The following ATP13A3 variants were observed in gnomAD, a reference collection of about 807,000 sequenced individuals.
ATP13A3 encodes polyamine-transporting ATPase 13A3.
ATP13A3 carries 59 observed loss-of-function variants against 158.1 expected under a neutral mutation model. The ratio of observed to expected loss-of-function variants is 0.37; its 90% CI spans 0.30 to 0.46. The LOEUF (loss-of-function observed/expected upper bound fraction) is 0.46, where lower values mean the gene tolerates loss of function less well. Ranked by LOEUF, ATP13A3 falls within the 20% of genes least tolerant of loss-of-function variation. The pLI is 1.00. For synonymous variants in ATP13A3, 491 were observed against 504.3 expected (o/e 0.97, Z 0.35); for missense variants, 1,166 against 1,525.2 (o/e 0.76, Z 3.92).
chr3:194,416,127 G>C (rs1344207540), intron 31 of ATP13A3, among the ~76,000 whole-genome samples: 1 of 152,174 alleles, frequency 6.6e-6, no homozygotes, highest in East Asian at 1.9e-4. Context: ...ACATTCTTCA[G>C]GGAGAAAAAC....
At chr3:194,490,015 A>G (rs150729710), upstream of ATP13A3, among the ~76,000 whole-genome samples, 1 of 152,216 alleles carries the variant, frequency 6.6e-6, no homozygotes, top group African/African-American at 2.4e-5. The surrounding 1 kb of genome is among the most constrained non-coding windows in gnomAD (Gnocchi z 4.4). Context: ...GTAAGCACCA[A>G]CCCTGATTGC....
intron 21 of ATP13A3, 21 bp downstream of exon 21, chr3:194,433,751 T>A: frequency 6.2e-7 from 1 of 1,613,056 alleles, no homozygotes; most frequent in South Asian, 1.1e-5. Context: ...TTTGCTTCTG[T>A]GTTCTTTTAT....
chr3:194,413,423 G>A (rs1207029049), intron 32 of ATP13A3, among the ~76,000 whole-genome samples: 1 of 152,078 alleles, frequency 6.6e-6, no homozygotes, highest in Non-Finnish European at 1.5e-5. Flanking sequence ...CAAAACACAG[G>A]TGGCACATGC....
intron 16 of ATP13A3, among the ~76,000 whole-genome samples, chr3:194,440,196 C>T (rs537178538): frequency 6.6e-6 from 1 of 152,080 alleles, no homozygotes; most frequent in Non-Finnish European, 1.5e-5. Context: ...TGGATACAAA[C>T]GGGAACGAAA....
intron 2 of ATP13A3, among the ~76,000 whole-genome samples, chr3:194,463,188 T>C (rs543978658): frequency 1.3e-5 from 2 of 152,234 alleles, no homozygotes; most frequent in Non-Finnish European, 2.9e-5. Context: ...GCTGACTCCA[T>C]CATTCGATTC....
chr3:194,484,760 ATG>A (rs1351455174), intron 2 of ATP13A3, among the ~76,000 whole-genome samples: 2 of 152,192 alleles, frequency 1.3e-5, no homozygotes, highest in Non-Finnish European at 2.9e-5. Context: ...TAAACTAACT[ATG>A]TAAGTATCAA....
At chr3:194,464,074 T>C (rs141634143) in intron 2 of ATP13A3, among the ~76,000 whole-genome samples, 3,629 of 152,170 alleles carry the variant, frequency 0.024, 149 homozygotes, top group African/African-American at 0.084. Context: ...GGTGAGAGAA[T>C]TGCTTGAACC....
intron 28 of ATP13A3, 37 bp from the exon 29 acceptor site, chr3:194,427,289 A>G: frequency 6.5e-7 from 1 of 1,535,206 alleles, no homozygotes; most frequent in Non-Finnish European, 8.8e-7. Flanking sequence ...GTTTGTATTT[A>G]CATTAATCTA....
chr3:194,426,153 T>C (rs1716751840), intron 29 of ATP13A3, among the ~76,000 whole-genome samples: 1 of 152,048 alleles, frequency 6.6e-6, no homozygotes, highest in African/African-American at 2.4e-5. Flanking sequence ...ATGCTGCAAG[T>C]GAACTATGGG....
rs1277122279 is a variant in ATP13A3 at position 194,448,791 on chromosome 3, A to C, written c.971-155T>G. 6.6e-6 allele frequency among the ~76,000 whole-genome samples: 1 copy of C among 152,224 alleles called. No homozygotes were observed. The highest frequency in any genetic ancestry group is 2.4e-5 in the African/African-American group (1 of 41,446). On this transcript the variant is annotated intron_variant, in intron 11 of 33. Coordinates refer to ENST00000645319, the MANE Select transcript of ATP13A3 (RefSeq NM_001367549.1). The surrounding 1 kb of genome is among the most constrained non-coding windows in gnomAD (Gnocchi z 4.0). The stretch of plus-strand genomic sequence containing the variant: ...TCACTGAGAGTTGTATATGTGGACA[A>C]CATGGCTTAATTTTTTGTCTACCAA...
At chr3:194,491,941 T>C (rs1721152080), upstream of ATP13A3, among the ~76,000 whole-genome samples, 1 of 152,162 alleles carries the variant, frequency 6.6e-6, no homozygotes, top group Non-Finnish European at 1.5e-5. Context: ...AGTGGGTTCC[T>C]CTGCTTTTGC....
At chr3:194,457,621 A>C (rs1020944568) in intron 6 of ATP13A3, among the ~76,000 whole-genome samples, 2 of 152,086 alleles carry the variant, frequency 1.3e-5, no homozygotes, top group African/African-American at 4.8e-5. Context: ...ATTTCTATTC[A>C]TTTTCTTCCA....
chr3:194,489,485 T>C (rs1721120748), upstream of ATP13A3, among the ~76,000 whole-genome samples: 1 of 152,174 alleles, frequency 6.6e-6, no homozygotes, highest in South Asian at 2.1e-4. This position sits in a 1 kb window ranked among gnomAD's most constrained non-coding sequence, Gnocchi z 4.1. Flanking sequence ...GCATCCATCC[T>C]TTCCAGCCTG....
chr3:194,425,182 AC>A (rs1192899916), intron 30 of ATP13A3, among the ~76,000 whole-genome samples, 159 bp downstream of exon 30: 2 of 152,266 alleles, frequency 1.3e-5, no homozygotes, highest in African/African-American at 4.8e-5. Flanking sequence ...GGTGGCAACT[AC>A]CAATGAAAGT....
At chr3:194,454,126 A>G in intron 9 of ATP13A3, 132 bp downstream of exon 9, 7 of 940,666 alleles carry the variant, frequency 7.4e-6, no homozygotes, top group Non-Finnish European at 9.3e-6. Context: ...GGGGAGAAGG[A>G]GCATATATTC....
chr3:194,479,171 A>G (rs1285518882), intron 2 of ATP13A3, among the ~76,000 whole-genome samples: 1 of 152,290 alleles, frequency 6.6e-6, no homozygotes, highest in Non-Finnish European at 1.5e-5. Context: ...TTCATCAAAC[A>G]CTGAACAGAA....
chr3:194,429,370 A>G (rs184102976), intron 27 of ATP13A3, among the ~76,000 whole-genome samples: 2 of 152,326 alleles, frequency 1.3e-5, no homozygotes, highest in Admixed American at 1.3e-4. Context: ...TAGTGTCACC[A>G]TGAGTCTTTA....
chr3:194,461,308 T>G (rs1015106790), intron 3 of ATP13A3, among the ~76,000 whole-genome samples: 8 of 152,218 alleles, frequency 5.3e-5, no homozygotes, highest in Non-Finnish European at 7.3e-5. Flanking sequence ...TTTTAACATT[T>G]CCTGGTACAT....
chr3:194,415,658 A>ATTTTTTTTTTTTTTTTTTTT (rs1715780753), intron 31 of ATP13A3, among the ~76,000 whole-genome samples: 1 of 122,944 alleles, frequency 8.1e-6, no homozygotes, highest in African/African-American at 3.6e-5. Context: ...ACAATACCAC[A>ATTTTTTTTTTTTTTTTTTTT]TTCTTTTTTT....
Sources: gnomAD v4.1 joint callset for allele counts (sites outside exome capture counted in the v4.1 genomes callset) on GRCh38, gnomAD v4.1.1 for gene constraint, Gnocchi (gnomAD v3.1) non-coding constraint, MANE v1.5 for transcripts, NCBI Gene and HGNC (gene_info 2026-07-23, HGNC 2026-07-21) for gene names.